LRP1B: variants seen among roughly 807,000 people sequenced by gnomAD.
LRP1B encodes low-density lipoprotein receptor-related protein 1B.
LRP1B carries 217 observed loss-of-function variants against 556.6 expected under a neutral mutation model. The ratio of observed to expected loss-of-function variants is 0.39; its 90% CI spans 0.35 to 0.44. The LOEUF (loss-of-function observed/expected upper bound fraction) is 0.44, where lower values mean the gene tolerates loss of function less well. Among genes scored for constraint, LRP1B ranks in the 20% least tolerant of loss-of-function variants. The pLI is 1.00. For missense variants in LRP1B, 5,053 were observed against 5,620.8 expected, an observed-to-expected ratio of 0.90 and a Z score of 3.23; for synonymous variants, 2,047 against 1,865.8, an observed-to-expected ratio of 1.10 and a Z score of -2.50.
chr2:140,539,591 G>C (rs1158407450), intron 45 of LRP1B, among the ~76,000 whole-genome samples: 1 of 152,074 alleles, frequency 6.6e-6, no homozygotes, highest in Non-Finnish European at 1.5e-5. Context: ...CCACCGAACA[G>C]AAATAAGCTT....
At chr2:140,358,675 T>C in intron 73 of LRP1B, 146 bp downstream of exon 73, 2 of 825,164 alleles carry the variant, frequency 2.4e-6, no homozygotes, top group South Asian at 3.4e-5. Flanking sequence ...GGTGGAATAT[T>C]TTTATACCTT....
chr2:140,774,552 T>G (rs1406136087), intron 33 of LRP1B, among the ~76,000 whole-genome samples: 1 of 152,196 alleles, frequency 6.6e-6, no homozygotes, highest in East Asian at 1.9e-4. Flanking sequence ...TTGGAAATTC[T>G]TTCTCTCTTG....
intron 2 of LRP1B, among the ~76,000 whole-genome samples, chr2:141,517,700 C>T (rs6429902): frequency 0.97 from 148,079 of 152,286 alleles, 72,124 homozygotes; most frequent in East Asian, 1. Flanking sequence ...TGTTTACCCA[C>T]CAAGAAGTTA....
intron 20 of LRP1B, among the ~76,000 whole-genome samples, chr2:140,946,064 CAGAA>C (rs1412505408): frequency 1.3e-5 from 2 of 152,102 alleles, no homozygotes; most frequent in African/African-American, 2.4e-5. Context: ...AGACACTTCT[CAGAA>C]AGAAGACATG....
chr2:141,921,462 G>T (rs1287390561), intron 1 of LRP1B, among the ~76,000 whole-genome samples: 1 of 151,872 alleles, frequency 6.6e-6, no homozygotes, highest in Non-Finnish European at 1.5e-5. Context: ...GTATATATGG[G>T]TTCTATGTAT....
At chr2:141,120,117 G>C (rs1350774616) in intron 7 of LRP1B, among the ~76,000 whole-genome samples, 1 of 151,888 alleles carries the variant, frequency 6.6e-6, no homozygotes. Context: ...AGGAAGAGCA[G>C]ACATTTAACC....
At chr2:140,296,544 A>G (rs1683610695) in intron 84 of LRP1B, among the ~76,000 whole-genome samples, 2 of 152,078 alleles carry the variant, frequency 1.3e-5, no homozygotes, top group South Asian at 4.1e-4. Context: ...TAGTATTTGG[A>G]TGATGTTTAA....
At chr2:141,036,626 A>C (rs1180756256) in intron 11 of LRP1B, among the ~76,000 whole-genome samples, 2 of 152,056 alleles carry the variant, frequency 1.3e-5, no homozygotes, top group Non-Finnish European at 2.9e-5. Flanking sequence ...CAGAAGTAAA[A>C]GGCAAAGCCA....
At chr2:141,539,708 T>C (rs1267375311) in intron 2 of LRP1B, among the ~76,000 whole-genome samples, 2 of 152,180 alleles carry the variant, frequency 1.3e-5, no homozygotes, top group Admixed American at 6.5e-5. Context: ...GTTATAACTA[T>C]TGAATGCTAC....
chr2:140,902,095 A>C (rs1258710463), intron 23 of LRP1B, among the ~76,000 whole-genome samples: 1 of 152,206 alleles, frequency 6.6e-6, no homozygotes, highest in Non-Finnish European at 1.5e-5. Context: ...TACATTCACA[A>C]TGGAAAGATA....
chr2:141,153,585 T>C (rs1422252422), intron 7 of LRP1B, among the ~76,000 whole-genome samples: 3 of 136,500 alleles, frequency 2.2e-5, no homozygotes, highest in Non-Finnish European at 4.6e-5. Context: ...ATATATTATA[T>C]ATTAGCTATA....
chr2:141,382,354 C>T (rs1224923228), intron 3 of LRP1B, among the ~76,000 whole-genome samples: 2 of 152,232 alleles, frequency 1.3e-5, no homozygotes, highest in Non-Finnish European at 2.9e-5. Context: ...ACAGCAGATA[C>T]TGAAAGGACT....
intron 87 of LRP1B, among the ~76,000 whole-genome samples, chr2:140,246,059 A>T (rs1681146268): frequency 6.6e-6 from 1 of 151,432 alleles, no homozygotes; most frequent in South Asian, 2.1e-4. Flanking sequence ...AAATTGGACA[A>T]TGATATCGAA....
intron 2 of LRP1B, among the ~76,000 whole-genome samples, chr2:141,728,830 C>G (rs1338094441): frequency 6.6e-6 from 1 of 152,168 alleles, no homozygotes; most frequent in Non-Finnish European, 1.5e-5. Context: ...TTGATTGACT[C>G]TATCCGCTCT....
At chr2:140,966,130 A>G (rs926296597) in intron 18 of LRP1B, among the ~76,000 whole-genome samples, 1 of 152,212 alleles carries the variant, frequency 6.6e-6, no homozygotes, top group African/African-American at 2.4e-5. Context: ...GAATCACCAC[A>G]CCGTCTTCTA....
chr2:140,720,961 T>A (rs1044238537), intron 35 of LRP1B, among the ~76,000 whole-genome samples: 2 of 152,184 alleles, frequency 1.3e-5, no homozygotes, highest in Non-Finnish European at 2.9e-5. Context: ...TTCTTATCAC[T>A]GTTCTGCATT....
intron 3 of LRP1B, among the ~76,000 whole-genome samples, chr2:141,425,726 A>T (rs1377985618): frequency 1.3e-5 from 2 of 151,844 alleles, no homozygotes; most frequent in Non-Finnish European, 2.9e-5. Context: ...TTCTTTTGAG[A>T]AGTGTCTGTT....
chr2:141,161,736 G>A (rs888643889), intron 7 of LRP1B, among the ~76,000 whole-genome samples: 1 of 152,078 alleles, frequency 6.6e-6, no homozygotes, highest in Non-Finnish European at 1.5e-5. Flanking sequence ...GCAAAGTTGT[G>A]CTTGTTGCTA....
At chr2:141,022,533 A>G (rs73962109) in intron 11 of LRP1B, among the ~76,000 whole-genome samples, 5,074 of 152,022 alleles carry the variant, frequency 0.033, 113 homozygotes, top group African/African-American at 0.055. Context: ...TAACTTATAA[A>G]TTAGATGGAA....
Sources: allele counts gnomAD v4.1 joint callset (sites outside exome capture counted in the v4.1 genomes callset), GRCh38; gene constraint gnomAD v4.1.1; transcripts MANE v1.5; gene names NCBI Gene and HGNC (gene_info 2026-07-23, HGNC 2026-07-21).